The following HECW2 variants were observed in gnomAD, a reference collection of about 807,000 sequenced individuals.
HECW2 encodes the protein E3 ubiquitin-protein ligase HECW2.
A neutral mutation model predicts 175.2 loss-of-function variants in HECW2; 61 were observed. The observed-to-expected ratio is 0.35, with a 90% CI of 0.28 to 0.43. The LOEUF (loss-of-function observed/expected upper bound fraction) is 0.43. HECW2 is among the 20% of genes least tolerant of loss of function. HECW2 has a pLI of 1.00. For missense variants in HECW2, 1,524 were observed against 2,000.5 expected (o/e 0.76, Z 4.54); for synonymous variants, 671 against 731.0 (o/e 0.92, Z 1.32).
intron 1 of HECW2, among the ~76,000 whole-genome samples, chr2:196,443,480 T>C (rs1696096353): frequency 6.6e-6 from 1 of 152,228 alleles, no homozygotes; most frequent in African/African-American, 2.4e-5. Context: ...GTTTTTTACA[T>C]TAACCTATAC....
chr2:196,255,324 C>T (rs187990031), intron 18 of HECW2, among the ~76,000 whole-genome samples: 177 of 151,794 alleles, frequency 1.2e-3, no homozygotes, highest in Middle Eastern at 6.8e-3. Context: ...TAAATCTATT[C>T]TTCCAGTTGA....
At chr2:196,546,519 G>A (rs1276068132) in intron 1 of HECW2, among the ~76,000 whole-genome samples, 1 of 152,176 alleles carries the variant, frequency 6.6e-6, no homozygotes, top group East Asian at 1.9e-4. Flanking sequence ...TAGAAATCTG[G>A]TGTGTGACTT....
chr2:196,493,775 A>G (rs539184251), intron 1 of HECW2, among the ~76,000 whole-genome samples: 1 of 152,352 alleles, frequency 6.6e-6, no homozygotes, highest in East Asian at 1.9e-4. Context: ...GGTTTAAAGA[A>G]TAGTCAACAT....
At chr2:196,466,102 T>C (rs1041504737) in intron 1 of HECW2, among the ~76,000 whole-genome samples, 1 of 152,222 alleles carries the variant, frequency 6.6e-6, no homozygotes, top group African/African-American at 2.4e-5. Flanking sequence ...GTCACACCTA[T>C]ATACCAGCAG....
Position 196,195,102 on chromosome 2 carries a change from T to C in HECW2, c.*6175A>G, listed in dbSNP as rs187452837. On this transcript the variant is annotated 3_prime_UTR_variant, in exon 29 of 29. Coordinates refer to ENST00000644978, the MANE Select transcript of HECW2 (RefSeq NM_001348768.2). The stretch of plus-strand genomic sequence containing the variant: ...ACAGCCCCAAATTTTACTTATGCTA[T>C]CATATAAAGAAAAATAGGTTGTAAT... 3.9e-5 allele frequency: 6 copies of C among 152,356 alleles called. No individual in the cohort carries two copies. The East Asian group carries it at 1.2e-3, about 29-fold the overall frequency. The allele number at this position is 152,356 out of a possible 1,614,324, so 9.4% of individuals were successfully genotyped here.
chr2:196,216,011 A>G, intron 27 of HECW2, 34 bp from the exon 28 acceptor site: 1 of 1,467,914 alleles, frequency 6.8e-7, no homozygotes, highest in Non-Finnish European at 9.5e-7. Flanking sequence ...GAGAAGGTGA[A>G]GCCAGAGACC....
chr2:196,214,666 C>T (rs569851970), intron 28 of HECW2, among the ~76,000 whole-genome samples: 9 of 152,122 alleles, frequency 5.9e-5, no homozygotes, highest in Non-Finnish European at 1.0e-4. Flanking sequence ...GACTGTGATG[C>T]GTGTGGGGTG....
rs191331477 is a variant in HECW2, at chr2:196,225,883, C to T, written c.3918-13G>A. ...ACTGAATCGGAACCTGTGAAGGAAA[C>T]ACATGAGATGGCTTACATGTCATGG... On this transcript the variant is annotated splice_polypyrimidine_tract_variant and intron_variant, in intron 22 of 28. Transcript: ENST00000644978. 1,645 of 1,514,398 alleles carry T rather than the reference C, an allele frequency of 1.1e-3. 1 individual carries two copies. The highest frequency in any genetic ancestry group is 1.5e-3 in the Admixed American group (91 of 59,840). The allele number at this position is 1,514,398 out of a possible 1,614,324, so 93.8% of individuals were successfully genotyped here.
intron 2 of HECW2, among the ~76,000 whole-genome samples, chr2:196,374,005 C>A (rs2105907731): frequency 6.6e-6 from 1 of 150,616 alleles, no homozygotes; most frequent in African/African-American, 2.5e-5. Context: ...GCACTCCAGC[C>A]TGGGCGACAG....
At chr2:196,571,471 G>A (rs922541157) in intron 1 of HECW2, among the ~76,000 whole-genome samples, 2 of 152,132 alleles carry the variant, frequency 1.3e-5, no homozygotes, top group African/African-American at 2.4e-5. Flanking sequence ...CACTTTCGGA[G>A]GCCAAGGTGG....
At chr2:196,207,468 C>T (rs79624376) in intron 28 of HECW2, among the ~76,000 whole-genome samples, 1,600 of 152,220 alleles carry the variant, frequency 0.011, 21 homozygotes, top group Admixed American at 0.013. Context: ...AGGTTTAGAG[C>T]AGAAATTCCT....
At chr2:196,509,302 T>C (rs1344884263) in intron 1 of HECW2, among the ~76,000 whole-genome samples, 2 of 152,206 alleles carry the variant, frequency 1.3e-5, no homozygotes, top group Non-Finnish European at 2.9e-5. Context: ...CACCTTCCTG[T>C]AAGCCTCCAT....
At chr2:196,581,431 G>A (rs2125528318) in intron 1 of HECW2, among the ~76,000 whole-genome samples, 1 of 152,244 alleles carries the variant, frequency 6.6e-6, no homozygotes, top group East Asian at 1.9e-4. Flanking sequence ...CTACTCAGGA[G>A]GCTGAGGCAT....
chr2:196,300,233 T>C (rs11894571), intron 13 of HECW2, among the ~76,000 whole-genome samples: 31,995 of 152,116 alleles, frequency 0.21, 3,642 homozygotes, highest in Middle Eastern at 0.28. Flanking sequence ...CAAAGCTTCA[T>C]TGGAACTCAG....
chr2:196,269,160 C>CA (rs1294053598), intron 17 of HECW2: 1 of 152,074 alleles, frequency 6.6e-6, no homozygotes. Flanking sequence ...TTAGCCTTTA[C>CA]AAACTTTAGA....
Position 196,248,597 on chromosome 2 carries a change from G to GACAGACAC in HECW2, c.3529+5322_3529+5323insGTGTCTGT, listed in dbSNP as rs1553636701. On this transcript the variant is annotated intron_variant, in intron 19 of 28. Coordinates refer to ENST00000644978, the MANE Select transcript of HECW2 (RefSeq NM_001348768.2). ...CAGATGAGAGAGAGAGAGACAGACA[G>GACAGACAC]ACACACACACACACACACACACACA... Among the ~76,000 whole-genome samples, 23 of 144,036 alleles carry GACAGACAC rather than the reference G, an allele frequency of 1.6e-4. 1 individual carries two copies. Among genetic ancestry groups the GACAGACAC allele is most frequent in the East Asian group, 1.4e-3 (7 of 4,876 alleles). The allele number at this position is 144,036 out of a possible 152,430, so 94.5% of individuals were successfully genotyped here. A position where few individuals can be genotyped will look rare whatever the true frequency, so the allele number is the denominator to read the frequency against.
At chr2:196,301,664 C>T (rs777203218) in intron 13 of HECW2, among the ~76,000 whole-genome samples, 5 of 150,456 alleles carry the variant, frequency 3.3e-5, no homozygotes, top group Non-Finnish European at 5.9e-5. Context: ...TTGTAGGCCA[C>T]GTGTATGTCT....
At chr2:196,224,753 C>G (rs1312395537) in intron 23 of HECW2, among the ~76,000 whole-genome samples, 2 of 152,038 alleles carry the variant, frequency 1.3e-5, no homozygotes, top group Non-Finnish European at 2.9e-5. Context: ...TAAGTGTAGA[C>G]AGTCAGTATA....
intron 10 of HECW2, among the ~76,000 whole-genome samples, chr2:196,310,924 T>C (rs189510305): frequency 2.6e-5 from 4 of 152,246 alleles, no homozygotes; most frequent in Admixed American, 6.5e-5. Context: ...AATCAAACAA[T>C]TGCAAAGGTC....
Sources: allele counts gnomAD v4.1 joint callset (sites outside exome capture counted in the v4.1 genomes callset), GRCh38; gene constraint gnomAD v4.1.1; transcripts MANE v1.5; gene names NCBI Gene and HGNC (gene_info 2026-07-23, HGNC 2026-07-21).